Variants in SCAF11 observed in about 807,000 individuals in gnomAD.
SCAF11 encodes the protein SR-related CTD associated factor 11, also known as protein SCAF11.
In SCAF11, 47 loss-of-function variants were observed where a neutral mutation model predicts 140.5. The ratio of observed to expected loss-of-function variants is 0.33; its 90% CI spans 0.26 to 0.43. The LOEUF (loss-of-function observed/expected upper bound fraction) is 0.43. Ranked by LOEUF, SCAF11 falls within the 20% of genes least tolerant of loss-of-function variation. SCAF11 has a pLI of 1.00. For synonymous variants in SCAF11, 557 were observed against 579.4 expected, an observed-to-expected ratio of 0.96 and a Z score of 0.55; for missense variants, 1,645 against 1,705.1, an observed-to-expected ratio of 0.96 and a Z score of 0.62.
intron 11 of SCAF11, among the ~76,000 whole-genome samples, 195 bp from the exon 12 acceptor site, chr12:45,925,269 T>C (rs1476292095): frequency 6.6e-6 from 1 of 152,166 alleles, no homozygotes; most frequent in African/African-American, 2.4e-5. Flanking sequence ...AAGAAAACAT[T>C]TGGCGAGGCA....
Position 45,931,535 on chromosome 12 carries a change from G to A in SCAF11, c.812C>T (p.Pro271Leu). 6.7e-7 allele frequency: 1 copy of A among 1,498,284 alleles called. No individual in the cohort carries two copies. The highest frequency in any genetic ancestry group is 8.9e-7 in the Non-Finnish European group (1 of 1,128,086). The allele number at this position is 1,498,284 out of a possible 1,614,324, so 92.8% of individuals were successfully genotyped here. Reference sequence around the variant, plus strand: ...ATGTTCGAAAGATATGGTACTTGTTGGAAAAATAGTTCTTGGCAACACAGA... The same window carrying A: ...ATGTTCGAAAGATATGGTACTTGTTAGAAAAATAGTTCTTGGCAACACAGA... ...ISSVLPRTIFPTSTISFEHFG... is the reference protein window; with the variant it reads ...ISSVLPRTIFLTSTISFEHFG... The change falls in exon 10 of 15, where the codon CCA becomes CTA. Residue 271 changes from proline (P) to leucine (L), a missense_variant. By Grantham distance (98) the Pro-to-Leu change is moderately conservative. This residue lies in a region of SCAF11 where 1,582 missense variants were observed against 1,609.2 expected (regional missense o/e 0.98). Coordinates refer to ENST00000369367, the MANE Select transcript of SCAF11 (RefSeq NM_004719.3).
chr12:45,932,257 C>T (rs1945063749), intron 9 of SCAF11, among the ~76,000 whole-genome samples: 1 of 152,050 alleles, frequency 6.6e-6, no homozygotes, highest in Admixed American at 6.6e-5. Flanking sequence ...TGTTAAGACC[C>T]CCTCCTTCAA....
At chr12:45,962,821 A>T (rs1351358332) in intron 2 of SCAF11, among the ~76,000 whole-genome samples, 1 of 152,222 alleles carries the variant, frequency 6.6e-6, no homozygotes, top group African/African-American at 2.4e-5. Flanking sequence ...CTGGGAAGAA[A>T]CAAATACAAA....
At position 45,919,547 on chromosome 12, in the gene SCAF11, TTAAG is replaced by T. The variant is rs1944656410; in HGVS notation, c.*2497_*2500del. On this transcript the variant is annotated 3_prime_UTR_variant, in exon 15 of 15. Coordinates refer to ENST00000369367, the MANE Select transcript of SCAF11 (RefSeq NM_004719.3). The stretch of plus-strand genomic sequence containing the variant: ...ATGTAACTCCACAAAATGTTTCTGA[TTAAG>T]TTTGTGCCCATGCAAAATTAACATA... 6.6e-6 allele frequency: 1 copy of T among 152,370 alleles called. No homozygotes were observed. Among genetic ancestry groups the T allele is most frequent in the Middle Eastern group, 3.4e-3 (1 of 294 alleles). The allele number at this position is 152,370 out of a possible 1,614,324, so 9.4% of individuals were successfully genotyped here.
chr12:45,922,888 C>T, intron 13 of SCAF11, 48 bp downstream of exon 13: 1 of 1,539,334 alleles, frequency 6.5e-7, no homozygotes, highest in Non-Finnish European at 9.0e-7. Flanking sequence ...ATTTTTTCTC[C>T]TTTATCATAT....
rs560577696 is a variant in SCAF11 at position 45,928,007 on chromosome 12, G to A, written c.1694C>T (p.Ser565Phe). Reference sequence around the variant, plus strand: ...CTCAGATAAGTCACTTAGGGGACAAGATACAGGTTGGTACACTTTGCTTTC... The same window carrying A: ...CTCAGATAAGTCACTTAGGGGACAAAATACAGGTTGGTACACTTTGCTTTC... ...TSESKVYQPV[S>F]CPLSDLSENV... Residue 565 changes from serine (S) to phenylalanine (F), a missense_variant, in exon 11 of 15, where the codon TCT becomes TTT. Ser to Phe is a radical substitution (Grantham distance 155). This residue lies in a region of SCAF11 where 1,582 missense variants were observed against 1,609.2 expected (regional missense o/e 0.98). Transcript: ENST00000369367. 137 of 1,613,086 alleles carry A rather than the reference G, an allele frequency of 8.5e-5. No homozygotes were observed. In the Middle Eastern group the frequency reaches 1.2e-3, roughly 14 times the overall value.
At chr12:45,991,674 T>C (rs1376656076), upstream of SCAF11, among the ~76,000 whole-genome samples, 5 of 152,234 alleles carry the variant, frequency 3.3e-5, no homozygotes, top group Non-Finnish European at 7.3e-5. Context: ...TTAAATGTTT[T>C]GTTTTACCTC....
Position 45,961,128 on chromosome 12 carries a change from C to T in SCAF11, c.219+572G>A, listed in dbSNP as rs538715191. 5 of 538,246 alleles carry T rather than the reference C, an allele frequency of 9.3e-6. No individual in the cohort carries two copies. The South Asian group carries it at 1.2e-4, about 13-fold the overall frequency. The allele number at this position is 538,246 out of a possible 1,614,324, so 33.3% of individuals were successfully genotyped here. On this transcript the variant is annotated intron_variant, in intron 3 of 14. Coordinates refer to ENST00000369367, the MANE Select transcript of SCAF11 (RefSeq NM_004719.3). ...ATTCAGACTCTGAAATTAGTCCACA[C>T]TAAATTAAAAACAGGAATTAGAAAA...
At chr12:45,983,113 T>TA (rs1946383199) in intron 1 of SCAF11, among the ~76,000 whole-genome samples, 1 of 152,226 alleles carries the variant, frequency 6.6e-6, no homozygotes, top group Admixed American at 6.5e-5. Flanking sequence ...AATTAGGACT[T>TA]ACGTTGTGTT....
intron 3 of SCAF11, among the ~76,000 whole-genome samples, chr12:45,959,246 T>G (rs1029844485): frequency 6.6e-6 from 1 of 151,468 alleles, no homozygotes; most frequent in South Asian, 2.1e-4. Flanking sequence ...AGAGCCTGGG[T>G]GACAGACTGA....
intron 9 of SCAF11, among the ~76,000 whole-genome samples, chr12:45,932,182 T>C (rs1161770660): frequency 6.6e-6 from 1 of 152,126 alleles, no homozygotes; most frequent in Non-Finnish European, 1.5e-5. Flanking sequence ...TATACCACTA[T>C]GTTATATTCT....
chr12:45,991,981 C>G, upstream of SCAF11: 5 of 1,289,136 alleles, frequency 3.9e-6, no homozygotes, highest in Non-Finnish European at 5.1e-6. Context: ...CACCCTGACG[C>G]CTGCCCGGGA....
At chr12:45,987,645 G>A (rs952835249) in intron 1 of SCAF11, among the ~76,000 whole-genome samples, 2 of 152,164 alleles carry the variant, frequency 1.3e-5, no homozygotes, top group Admixed American at 6.5e-5. Flanking sequence ...CCACAACAGC[G>A]TAGGGGAAAG....
chr12:45,955,975 G>T, intron 3 of SCAF11: 1 of 638,660 alleles, frequency 1.6e-6, no homozygotes, highest in Non-Finnish European at 2.8e-6. Flanking sequence ...CAGTTAAGAA[G>T]GCAATTTTGA....
In SCAF11 at chr12:45,921,845, G is replaced by T; in HGVS notation, c.*203C>A. ...TTTACTTTCCCTTGAATTTTGTGGG[G>T]GAGGGTGGAGGGGAAGGAAGGATAC... is the stretch of plus-strand genomic sequence containing the variant. On this transcript the variant is annotated 3_prime_UTR_variant, in exon 15 of 15. Coordinates refer to ENST00000369367, the MANE Select transcript of SCAF11 (RefSeq NM_004719.3). 1.8e-6 allele frequency: 1 copy of T among 541,678 alleles called. No homozygotes were observed. The highest frequency in any genetic ancestry group is 3.2e-6 in the Non-Finnish European group (1 of 314,362). 33.6% of individuals were successfully genotyped at this position (541,678 alleles called of 1,614,324 possible). A position where few individuals can be genotyped will look rare whatever the true frequency, so the allele number is the denominator to read the frequency against.
At chr12:45,956,251 A>T (rs981798280) in intron 3 of SCAF11, 1 of 691,458 alleles carries the variant, frequency 1.4e-6, no homozygotes, top group African/African-American at 1.8e-5. Context: ...CTCAATACCT[A>T]TGTTTATAGG....
At chr12:45,939,392 C>CT (rs1260344567) in intron 6 of SCAF11, among the ~76,000 whole-genome samples, 1 of 152,112 alleles carries the variant, frequency 6.6e-6, no homozygotes, top group African/African-American at 2.4e-5. Context: ...CTTCACAAAA[C>CT]TTTAAGAAAT....
Position 45,921,796 on chromosome 12 carries a change from A to G in SCAF11, c.*252T>C. The stretch of plus-strand genomic sequence containing the variant: ...ATCCACACTATAACACAGTCCTAGT[A>G]AAGATGCACATTCCTTTAAACCCTT... On this transcript the variant is annotated 3_prime_UTR_variant, in exon 15 of 15. Coordinates refer to ENST00000369367, the MANE Select transcript of SCAF11 (RefSeq NM_004719.3). 1 of 418,630 alleles carries G rather than the reference A, an allele frequency of 2.4e-6. No homozygotes were observed. The highest frequency in any genetic ancestry group is 4.3e-6 in the Non-Finnish European group (1 of 234,032). The allele number at this position is 418,630 out of a possible 1,614,324, so 25.9% of individuals were successfully genotyped here. A position where few individuals can be genotyped will look rare whatever the true frequency, so the allele number is the denominator to read the frequency against.
chr12:45,924,307 C>T (rs189863493), intron 12 of SCAF11, among the ~76,000 whole-genome samples: 208 of 152,170 alleles, frequency 1.4e-3, no homozygotes, highest in African/African-American at 4.8e-3. Flanking sequence ...CAGCTTTATC[C>T]AGTGTTTGTC....
Sources: allele counts gnomAD v4.1 joint callset (sites outside exome capture counted in the v4.1 genomes callset), GRCh38; gene constraint gnomAD v4.1.1; regional missense constraint gnomAD v4.1.1; transcripts MANE v1.5; gene names NCBI Gene and HGNC (gene_info 2026-07-23, HGNC 2026-07-21).